The following FMN1 variants were observed in gnomAD, a reference collection of about 807,000 sequenced individuals.
FMN1 encodes formin-1.
FMN1 carries 110 observed loss-of-function variants against 132.4 expected under a neutral mutation model. The observed-to-expected ratio is 0.83, with a 90% CI of 0.71 to 0.97. FMN1 has a LOEUF of 0.97. Ranked by LOEUF, FMN1 falls within the 50% of genes least tolerant of loss-of-function variation. The pLI, the probability that FMN1 is intolerant of heterozygous loss-of-function variation, is 0.00. For synonymous variants in FMN1, 722 were observed against 651.7 expected (o/e 1.11, Z -1.64); for missense variants, 1,792 against 1,705.3 (o/e 1.05, Z -0.90).
intron 6 of FMN1, among the ~76,000 whole-genome samples, chr15:33,028,514 AAAAAAT>A (rs71113497): frequency 0.48 from 72,746 of 150,084 alleles, 18,072 homozygotes; most frequent in Middle Eastern, 0.53. Flanking sequence ...ACTACAGAGG[AAAAAAT>A]AAAAATAAAA....
At chr15:33,179,541 T>G (rs560180797) in intron 3 of FMN1, among the ~76,000 whole-genome samples, 1 of 152,326 alleles carries the variant, frequency 6.6e-6, no homozygotes, top group East Asian at 1.9e-4. Context: ...ACGGCCACCG[T>G]CACTGTTGAG....
chr15:32,978,544 T>C (rs2032393755), intron 7 of FMN1, among the ~76,000 whole-genome samples: 1 of 152,218 alleles, frequency 6.6e-6, no homozygotes, highest in Non-Finnish European at 1.5e-5. Context: ...ATTCCTTCTC[T>C]ATTAAAAGAG....
At chr15:33,132,854 G>A (rs1963606104) in intron 4 of FMN1, among the ~76,000 whole-genome samples, 1 of 152,062 alleles carries the variant, frequency 6.6e-6, no homozygotes, top group African/African-American at 2.4e-5. Flanking sequence ...TCTTCAAGAT[G>A]TCTCCACAAT....
chr15:33,180,508 C>T (rs1566969369), intron 2 of FMN1, among the ~76,000 whole-genome samples: 1 of 152,128 alleles, frequency 6.6e-6, no homozygotes, highest in African/African-American at 2.4e-5. Flanking sequence ...GGTAACCAAC[C>T]ATGCTGGGTT....
intron 18 of FMN1, among the ~76,000 whole-genome samples, chr15:32,801,401 T>C (rs567068380): frequency 1.1e-4 from 17 of 152,126 alleles, no homozygotes; most frequent in Non-Finnish European, 2.5e-4. Context: ...AGAACCAAAG[T>C]ACACAGACTC....
At chr15:32,914,361 T>C (rs927144964) in intron 10 of FMN1, among the ~76,000 whole-genome samples, 2 of 152,138 alleles carry the variant, frequency 1.3e-5, no homozygotes, top group African/African-American at 4.8e-5. Context: ...ACTGGAAGGA[T>C]ACAAAACATT....
intron 9 of FMN1, among the ~76,000 whole-genome samples, chr15:32,935,781 C>T (rs1183798045): frequency 6.6e-6 from 1 of 152,088 alleles, no homozygotes; most frequent in African/African-American, 2.4e-5. Context: ...GCGTGCGCCA[C>T]CCCACACAGC....
At chr15:33,030,356 G>C (rs2035879039) in intron 6 of FMN1, among the ~76,000 whole-genome samples, 1 of 152,178 alleles carries the variant, frequency 6.6e-6, no homozygotes. Flanking sequence ...AGATGAATGT[G>C]ACCGGAAAAG....
chr15:32,993,127 C>T (rs1259964230), intron 7 of FMN1, among the ~76,000 whole-genome samples: 1 of 151,748 alleles, frequency 6.6e-6, no homozygotes, highest in African/African-American at 2.4e-5. Flanking sequence ...CTGCTGAGGC[C>T]CCAGTGAACA....
chr15:32,814,772 T>C (rs2057999673), intron 17 of FMN1, among the ~76,000 whole-genome samples: 1 of 152,168 alleles, frequency 6.6e-6, no homozygotes, highest in Non-Finnish European at 1.5e-5. Context: ...ACTACGGCCT[T>C]TTTCTTTCAA....
At chr15:33,147,270 AG>A (rs1365002463) in intron 4 of FMN1, among the ~76,000 whole-genome samples, 3 of 152,180 alleles carry the variant, frequency 2.0e-5, no homozygotes, top group Admixed American at 2.0e-4. Flanking sequence ...CAACCCGAAA[AG>A]GTTGTCTTTT....
intron 6 of FMN1, among the ~76,000 whole-genome samples, chr15:33,043,218 A>C (rs2036522616): frequency 6.6e-6 from 1 of 152,252 alleles, no homozygotes; most frequent in Non-Finnish European, 1.5e-5. Context: ...TGTTAAATCA[A>C]CTTTAGCCTA....
chr15:32,815,531 G>A (rs912867782), intron 17 of FMN1, among the ~76,000 whole-genome samples: 23 of 152,088 alleles, frequency 1.5e-4, no homozygotes, highest in Admixed American at 1.5e-3. Context: ...GAAAACTATG[G>A]AGCTATACAA....
intron 9 of FMN1, among the ~76,000 whole-genome samples, chr15:32,956,277 C>T (rs1249902289): frequency 6.6e-6 from 1 of 151,980 alleles, no homozygotes; most frequent in African/African-American, 2.4e-5. Flanking sequence ...ACAAGAGAAA[C>T]ATGGTTGAAC....
At chr15:32,854,634 C>T (rs373452866) in intron 17 of FMN1, among the ~76,000 whole-genome samples, 2 of 152,126 alleles carry the variant, frequency 1.3e-5, no homozygotes, top group South Asian at 2.1e-4. Flanking sequence ...GCTGATTGGC[C>T]GGGCACAGTG....
intron 19 of FMN1, among the ~76,000 whole-genome samples, chr15:32,777,234 C>G (rs1258739): frequency 3.3e-5 from 5 of 152,014 alleles, no homozygotes; most frequent in African/African-American, 1.2e-4. Flanking sequence ...CAGTGTTATC[C>G]GGCTTGTGAT....
intron 17 of FMN1, among the ~76,000 whole-genome samples, chr15:32,850,115 G>T (rs2058975266): frequency 6.6e-6 from 1 of 152,120 alleles, no homozygotes; most frequent in Non-Finnish European, 1.5e-5. Flanking sequence ...ACCCATTTTG[G>T]CTCAGGCAGA....
chr15:32,939,895 T>C (rs1567431930), intron 9 of FMN1, among the ~76,000 whole-genome samples: 2 of 152,134 alleles, frequency 1.3e-5, no homozygotes, highest in Admixed American at 6.6e-5. Flanking sequence ...CTTTTTATGG[T>C]AGGAAATTTA....
intron 9 of FMN1, among the ~76,000 whole-genome samples, chr15:32,945,215 G>A (rs1177679360): frequency 6.6e-6 from 1 of 152,094 alleles, no homozygotes; most frequent in Non-Finnish European, 1.5e-5. Flanking sequence ...ACTTAGCACG[G>A]TGCCAATACA....
Sources: allele counts gnomAD v4.1 joint callset (sites outside exome capture counted in the v4.1 genomes callset), GRCh38; gene constraint gnomAD v4.1.1; transcripts MANE v1.5; gene names NCBI Gene and HGNC (gene_info 2026-07-23, HGNC 2026-07-21).